The following NECAB1 variants were observed in gnomAD, a reference collection of about 807,000 sequenced individuals.
The protein encoded by NECAB1 is N-terminal EF-hand calcium binding protein 1.
A neutral mutation model predicts 57.5 loss-of-function variants in NECAB1; 29 were observed. The ratio of observed to expected loss-of-function variants is 0.50; its 90% CI spans 0.38 to 0.69. The LOEUF is 0.69. NECAB1 is among the 30% of genes least tolerant of loss of function. NECAB1 has a pLI of 0.00. For missense variants in NECAB1, 372 were observed against 413.8 expected (o/e 0.90, Z 0.88); for synonymous variants, 142 against 147.7 (o/e 0.96, Z 0.28).
intron 4 of NECAB1, chr8:90,872,400 A>C (rs1808637942): frequency 5.4e-6 from 2 of 367,536 alleles, no homozygotes; most frequent in Non-Finnish European, 9.7e-6. Context: ...TCAGTACATT[A>C]GTTTCGCAAG....
chr8:90,827,073 C>T lies in NECAB1; in HGVS notation c.233+2248C>T, dbSNP rs543155821. ...CTTTGATCTTTTACTGAGATTAATTCAAATGTTGGCACAGAAATTTTGGAG... is the reference window on the plus strand; with the variant it reads ...CTTTGATCTTTTACTGAGATTAATTTAAATGTTGGCACAGAAATTTTGGAG... On this transcript the variant is annotated intron_variant, in intron 3 of 12. Transcript: ENST00000417640. 2.6e-5 allele frequency among the ~76,000 whole-genome samples: 4 copies of T among 152,034 alleles called. No homozygotes were observed. In the South Asian group the frequency reaches 6.2e-4, roughly 24 times the overall value.
intron 3 of NECAB1, among the ~76,000 whole-genome samples, chr8:90,867,984 A>G (rs1254342941): frequency 6.6e-6 from 1 of 152,180 alleles, no homozygotes; most frequent in African/African-American, 2.4e-5. Context: ...TGATTGGATC[A>G]TGGGGGTGGA....
chr8:90,818,193 A>G (rs1812089624), intron 2 of NECAB1, among the ~76,000 whole-genome samples: 1 of 151,818 alleles, frequency 6.6e-6, no homozygotes, highest in African/African-American at 2.4e-5. Context: ...TTTCTTGCTT[A>G]GGCTGATTAG....
At chr8:90,918,728 T>C (rs555603926) in intron 6 of NECAB1, among the ~76,000 whole-genome samples, 1 of 152,278 alleles carries the variant, frequency 6.6e-6, no homozygotes, top group East Asian at 1.9e-4. Flanking sequence ...CACCTCCTGT[T>C]ACCCACCTCT....
chr8:90,904,619 C>T (rs1472598054), intron 5 of NECAB1, among the ~76,000 whole-genome samples: 1 of 151,548 alleles, frequency 6.6e-6, no homozygotes, highest in Non-Finnish European at 1.5e-5. Context: ...GTTAAGAGAC[C>T]TAGAAGATTG....
At chr8:90,813,232 T>TACACACACAC (rs1165255325) in intron 2 of NECAB1, 3 of 49,516 alleles carry the variant, frequency 6.1e-5, no homozygotes, top group East Asian at 0.013. Context: ...TATATGTATA[T>TACACACACAC]ATACACACAC....
At chr8:90,916,046 G>C (rs1809943703) in intron 5 of NECAB1, among the ~76,000 whole-genome samples, 1 of 152,024 alleles carries the variant, frequency 6.6e-6, no homozygotes, top group Non-Finnish European at 1.5e-5. Context: ...ATCTCCTTTG[G>C]CAACACCCTC....
intron 5 of NECAB1, among the ~76,000 whole-genome samples, chr8:90,914,629 A>T (rs1809908151): frequency 6.6e-6 from 1 of 152,200 alleles, no homozygotes; most frequent in Non-Finnish European, 1.5e-5. Context: ...TTACCTACAG[A>T]GTCACTAGTA....
chr8:90,856,398 A>T (rs1812794959), intron 3 of NECAB1, among the ~76,000 whole-genome samples: 2 of 152,250 alleles, frequency 1.3e-5, no homozygotes, highest in South Asian at 4.1e-4. Context: ...TAATCCAATC[A>T]CCCTCAAAGC....
intron 8 of NECAB1, among the ~76,000 whole-genome samples, chr8:90,929,806 T>G (rs532882392): frequency 1.7e-4 from 26 of 152,342 alleles, no homozygotes; most frequent in African/African-American, 6.0e-4. Context: ...AGAGGATAGC[T>G]GGAAAGGGCA....
intron 9 of NECAB1, among the ~76,000 whole-genome samples, chr8:90,938,948 T>C (rs145679486): frequency 6.6e-6 from 1 of 152,354 alleles, no homozygotes; most frequent in African/African-American, 2.4e-5. Context: ...ATGTTAGCTT[T>C]GCTGATCTTG....
At chr8:90,880,458 A>G (rs1195449996) in intron 4 of NECAB1, among the ~76,000 whole-genome samples, 1 of 152,082 alleles carries the variant, frequency 6.6e-6, no homozygotes, top group African/African-American at 2.4e-5. Flanking sequence ...TTTTAATCAC[A>G]AATCCACTAT....
intron 2 of NECAB1, among the ~76,000 whole-genome samples, chr8:90,813,981 C>A (rs1249883665): frequency 1.3e-5 from 2 of 152,110 alleles, no homozygotes; most frequent in Non-Finnish European, 2.9e-5. Context: ...CTACTAAAGT[C>A]CACACTTTGT....
At chr8:90,796,665 A>C (rs1430997635) in intron 1 of NECAB1, among the ~76,000 whole-genome samples, 1 of 152,196 alleles carries the variant, frequency 6.6e-6, no homozygotes, top group Non-Finnish European at 1.5e-5. Context: ...CCTGACCATA[A>C]TATTTAAATT....
chr8:90,930,027 C>T (rs1336082117), intron 8 of NECAB1, among the ~76,000 whole-genome samples: 1 of 151,786 alleles, frequency 6.6e-6, no homozygotes, highest in Non-Finnish European at 1.5e-5. Flanking sequence ...AGCTAAGTGA[C>T]AAACCAAAAA....
At chr8:90,863,083 G>A (rs1808437947) in intron 3 of NECAB1, among the ~76,000 whole-genome samples, 1 of 151,954 alleles carries the variant, frequency 6.6e-6, no homozygotes, top group African/African-American at 2.4e-5. Flanking sequence ...GGATTTTGGT[G>A]AAAACCCAAT....
At chr8:90,870,670 C>G (rs1808607767) in intron 3 of NECAB1, among the ~76,000 whole-genome samples, 1 of 152,162 alleles carries the variant, frequency 6.6e-6, no homozygotes, top group Admixed American at 6.5e-5. Context: ...CTCTATTTCC[C>G]TCGTAACAAC....
chr8:90,873,949 C>T (rs900282405), intron 4 of NECAB1, among the ~76,000 whole-genome samples: 1 of 152,148 alleles, frequency 6.6e-6, no homozygotes, highest in African/African-American at 2.4e-5. Flanking sequence ...CCCCCTATAG[C>T]TTTAGTTAGG....
chr8:90,795,964 T>C (rs538924083), intron 1 of NECAB1, among the ~76,000 whole-genome samples: 3 of 152,328 alleles, frequency 2.0e-5, no homozygotes, highest in African/African-American at 7.2e-5. Context: ...CTGCACATCC[T>C]GTACATGTAC....
Sources: gnomAD v4.1 joint callset for allele counts (sites outside exome capture counted in the v4.1 genomes callset) on GRCh38, gnomAD v4.1.1 for gene constraint, MANE v1.5 for transcripts, NCBI Gene and HGNC (gene_info 2026-07-23, HGNC 2026-07-21) for gene names.